The following FMN2 variants were observed in gnomAD, a reference collection of about 807,000 sequenced individuals.
FMN2 encodes formin 2.
In FMN2, 51 loss-of-function variants were observed where a neutral mutation model predicts 142.3. That is an observed-to-expected ratio of 0.36 (90% CI 0.29 to 0.45). The LOEUF is 0.45. Among genes scored for constraint, FMN2 ranks in the 20% least tolerant of loss-of-function variants. FMN2 has a pLI of 1.00. For synonymous variants in FMN2, 882 were observed against 869.8 expected, an observed-to-expected ratio of 1.01 and a Z score of -0.25; for missense variants, 1,936 against 2,122.8, an observed-to-expected ratio of 0.91 and a Z score of 1.73.
intron 14 of FMN2, 24 bp from the exon 15 acceptor site, chr1:240,392,487 A>T (rs756681883): frequency 6.2e-7 from 1 of 1,601,260 alleles, no homozygotes; most frequent in African/African-American, 1.3e-5. Flanking sequence ...TATCTCATGT[A>T]CTTTTATTTT....
At chr1:240,277,237 A>T (rs1045838053) in intron 7 of FMN2, among the ~76,000 whole-genome samples, 1 of 152,184 alleles carries the variant, frequency 6.6e-6, no homozygotes, top group Non-Finnish European at 1.5e-5. Flanking sequence ...GCCATTTGGA[A>T]GAGAATACAG....
intron 7 of FMN2, among the ~76,000 whole-genome samples, chr1:240,262,009 G>A (rs1266636804): frequency 6.6e-6 from 1 of 152,140 alleles, no homozygotes; most frequent in Admixed American, 6.5e-5. Flanking sequence ...TCTGGGGGCT[G>A]TAGGAGGGTC....
chr1:240,194,577 C>T (rs1665842482), intron 4 of FMN2, among the ~76,000 whole-genome samples: 1 of 152,216 alleles, frequency 6.6e-6, no homozygotes, highest in Non-Finnish European at 1.5e-5. Context: ...ATTAGGCCAG[C>T]TGTGTCTACT....
At chr1:240,218,048 G>A (rs1303760236) in intron 6 of FMN2, among the ~76,000 whole-genome samples, 6 of 152,050 alleles carry the variant, frequency 3.9e-5, no homozygotes, top group African/African-American at 1.4e-4. Flanking sequence ...ACTTTGGGAG[G>A]CCTAGGTGGG....
At chr1:240,250,912 T>C (rs1668254925) in intron 6 of FMN2, among the ~76,000 whole-genome samples, 1 of 152,086 alleles carries the variant, frequency 6.6e-6, no homozygotes, top group African/African-American at 2.4e-5. Flanking sequence ...CTTTTATATT[T>C]CTGTGGTATC....
chr1:240,428,869 A>G (rs74387987), intron 15 of FMN2, among the ~76,000 whole-genome samples: 5,060 of 152,254 alleles, frequency 0.033, 264 homozygotes, highest in African/African-American at 0.12. Flanking sequence ...ATTTTGAATC[A>G]TTTTTGTTAT....
At chr1:240,161,499 C>T (rs917242373) in intron 2 of FMN2, among the ~76,000 whole-genome samples, 3 of 150,894 alleles carry the variant, frequency 2.0e-5, no homozygotes, top group African/African-American at 7.3e-5. Flanking sequence ...TGCCACTGCA[C>T]TCCAGCCTGG....
chr1:240,275,095 T>G (rs1318415638), intron 7 of FMN2, among the ~76,000 whole-genome samples: 9 of 140,330 alleles, frequency 6.4e-5, no homozygotes, highest in Admixed American at 3.5e-4. Context: ...TTTTTTTTTT[T>G]GTCTTTTATT....
chr1:240,247,783 G>A (rs1053161102), intron 6 of FMN2, among the ~76,000 whole-genome samples: 1 of 152,040 alleles, frequency 6.6e-6, no homozygotes, highest in African/African-American at 2.4e-5. Flanking sequence ...TTTGTGATGA[G>A]GCCTGAGAAC....
At chr1:240,259,365 A>T (rs185552091) in intron 7 of FMN2, among the ~76,000 whole-genome samples, 2 of 152,216 alleles carry the variant, frequency 1.3e-5, no homozygotes, top group Non-Finnish European at 2.9e-5. Context: ...TTGCTTTAAC[A>T]TGCAACGCTA....
intron 7 of FMN2, among the ~76,000 whole-genome samples, chr1:240,261,999 T>C (rs1051182836): frequency 1.3e-5 from 2 of 152,106 alleles, no homozygotes; most frequent in African/African-American, 2.4e-5. Flanking sequence ...TGAATCACAC[T>C]CTGGGGGCTG....
intron 1 of FMN2, among the ~76,000 whole-genome samples, chr1:240,094,830 A>G (rs1661143761): frequency 6.6e-6 from 1 of 152,222 alleles, no homozygotes. Context: ...TGCTTAGATG[A>G]AATTTCTCGG....
intron 16 of FMN2, among the ~76,000 whole-genome samples, chr1:240,447,135 CA>C (rs1675848388): frequency 6.6e-6 from 1 of 152,216 alleles, no homozygotes; most frequent in South Asian, 2.1e-4. Context: ...ATTTGACAGA[CA>C]GCAATTCGCT....
intron 2 of FMN2, 108 bp from the exon 3 acceptor site, chr1:240,177,813 G>A: frequency 2.3e-6 from 2 of 879,572 alleles, no homozygotes; most frequent in Non-Finnish European, 3.2e-6. Context: ...ATATATGTAT[G>A]CATATATAAG....
At chr1:240,271,010 A>C (rs951790127) in intron 7 of FMN2, among the ~76,000 whole-genome samples, 4 of 151,190 alleles carry the variant, frequency 2.6e-5, no homozygotes, top group Non-Finnish European at 5.9e-5. Flanking sequence ...GAGATGATGG[A>C]TATGTTAAAT....
At chr1:240,184,299 C>T (rs1394469384) in intron 3 of FMN2, among the ~76,000 whole-genome samples, 3 of 126,370 alleles carry the variant, frequency 2.4e-5, no homozygotes, top group Non-Finnish European at 3.1e-5. Context: ...TGCAGTGGCG[C>T]GATCTCGGCT....
chr1:240,294,624 G>A (rs1669904583), intron 7 of FMN2, among the ~76,000 whole-genome samples, 198 bp from the exon 8 acceptor site: 1 of 152,192 alleles, frequency 6.6e-6, no homozygotes, highest in Non-Finnish European at 1.5e-5. Flanking sequence ...TATTTGCGGA[G>A]CAAGTGAAAG....
intron 1 of FMN2, among the ~76,000 whole-genome samples, chr1:240,105,426 TA>T (rs1661572151): frequency 6.6e-6 from 1 of 152,178 alleles, no homozygotes; most frequent in African/African-American, 2.4e-5. Context: ...AAATTTAGAA[TA>T]AAATTAGAAT....
chr1:240,373,462 C>T (rs1672940615), intron 14 of FMN2, among the ~76,000 whole-genome samples: 1 of 152,130 alleles, frequency 6.6e-6, no homozygotes, highest in African/African-American at 2.4e-5. Flanking sequence ...TTGAATCAGT[C>T]CTCTCAAACC....
Sources: allele counts gnomAD v4.1 joint callset (sites outside exome capture counted in the v4.1 genomes callset), GRCh38; gene constraint gnomAD v4.1.1; transcripts MANE v1.5; gene names NCBI Gene and HGNC (gene_info 2026-07-23, HGNC 2026-07-21).